Variants in CYP2J2 observed in about 807,000 individuals in gnomAD.
CYP2J2 encodes the protein cytochrome P450 2J2.
In CYP2J2, 41 loss-of-function variants were observed where a neutral mutation model predicts 48.8. The ratio of observed to expected loss-of-function variants is 0.84; its 90% CI spans 0.66 to 1.09. The LOEUF is 1.09. Among genes scored for constraint, CYP2J2 ranks in the 50% least tolerant of loss-of-function variants. The pLI is 0.00. For synonymous variants in CYP2J2, 221 were observed against 227.1 expected (o/e 0.97, Z 0.24); for missense variants, 644 against 617.3 (o/e 1.04, Z -0.46).
In CYP2J2 at chr1:59,916,071, G is replaced by A; in HGVS notation, c.240C>T (p.Ser80=). The A allele has an allele frequency of 6.2e-7, 1 of 1,610,668 alleles. No individual in the cohort carries two copies. Among genetic ancestry groups the A allele is most frequent in the South Asian group, 1.1e-5 (1 of 90,240 alleles). The change falls in exon 2 of 9, where the codon AGC becomes AGT. Residue 80 remains serine (S), a synonymous_variant. Coordinates refer to ENST00000371204, the MANE Select transcript of CYP2J2 (RefSeq NM_000775.4). ...LFVKKYGNLF[S]LELGDISAVL... is the part of the protein sequence containing the mutation. ...CTGCAGATATGTCACCAAGCTCCAA[G>A]CTAAAAAGGTTCCCATATTTCTTCA...
At chr1:59,958,270 C>T in the CYP2J2 span, among the ~76,000 whole-genome samples, 1 of 152,132 alleles carries the variant, frequency 6.6e-6, no homozygotes, top group South Asian at 2.1e-4. Context: ...ATTTGCCAAA[C>T]ATTTCACGTT....
At chr1:59,928,890 G>C (rs1206972666), upstream of CYP2J2, among the ~76,000 whole-genome samples, 1 of 152,238 alleles carries the variant, frequency 6.6e-6, no homozygotes, top group African/African-American at 2.4e-5. Context: ...CAGCACAAGA[G>C]TTAGCTAGGA....
chr1:59,952,307 CTTTTT>C, the CYP2J2 span, among the ~76,000 whole-genome samples: 624 of 140,066 alleles, frequency 4.5e-3, 3 homozygotes, highest in African/African-American at 0.015. Flanking sequence ...TATGCGTATG[CTTTTT>C]TTTTTTTTTT....
chr1:59,954,865 G>A, the CYP2J2 span, among the ~76,000 whole-genome samples: 1,625 of 152,110 alleles, frequency 0.011, 26 homozygotes, highest in African/African-American at 0.037. Flanking sequence ...AGCCAGGCAT[G>A]GTGGCACATG....
intron 7 of CYP2J2, 50 bp from the exon 8 acceptor site, chr1:59,901,153 C>T (rs1482708322): frequency 1.3e-6 from 2 of 1,594,684 alleles, no homozygotes; most frequent in African/African-American, 1.3e-5. Context: ...TGAAAAAGCA[C>T]ACCTATGCAG....
At chr1:59,915,585 G>A (rs1383478108) in intron 2 of CYP2J2, among the ~76,000 whole-genome samples, 4 of 152,136 alleles carry the variant, frequency 2.6e-5, no homozygotes, top group Non-Finnish European at 4.4e-5. Context: ...AGCAGGAGGA[G>A]GAAGATCCAC....
chr1:59,916,658 G>A (rs530036806), intron 1 of CYP2J2, among the ~76,000 whole-genome samples: 6 of 152,264 alleles, frequency 3.9e-5, no homozygotes, highest in African/African-American at 1.4e-4. Context: ...ACTTGAGCCT[G>A]AGAGTTTGAG....
At chr1:59,901,217 C>G in intron 7 of CYP2J2, 114 bp from the exon 8 acceptor site, 1 of 1,067,228 alleles carries the variant, frequency 9.4e-7, no homozygotes, top group Non-Finnish European at 1.4e-6. Context: ...ACTGCCCCAC[C>G]CTCCCCAATT....
intron 1 of CYP2J2, among the ~76,000 whole-genome samples, chr1:59,922,246 T>C (rs959764525): frequency 1.3e-5 from 2 of 152,212 alleles, no homozygotes; most frequent in African/African-American, 4.8e-5. Context: ...TTTAGCTGAA[T>C]AACCCGGGCA....
chr1:59,957,462 C>G, the CYP2J2 span, among the ~76,000 whole-genome samples: 17 of 152,230 alleles, frequency 1.1e-4, no homozygotes, highest in African/African-American at 4.1e-4. Context: ...TGTGGATAAA[C>G]TGAAGCACAA....
chr1:59,968,589 C>T, the CYP2J2 span, among the ~76,000 whole-genome samples: 7 of 152,204 alleles, frequency 4.6e-5, no homozygotes, highest in East Asian at 5.8e-4. Context: ...TGGGGCATCC[C>T]AGTTCCGTTA....
chr1:59,946,709 T>C, the CYP2J2 span, among the ~76,000 whole-genome samples: 1 of 152,152 alleles, frequency 6.6e-6, no homozygotes, highest in Non-Finnish European at 1.5e-5. Context: ...ATGTCAAATG[T>C]TTTAAAAGAT....
intron 8 of CYP2J2, among the ~76,000 whole-genome samples, chr1:59,896,328 G>GTATATATATA (rs59615950): frequency 4.8e-5 from 7 of 146,896 alleles, no homozygotes; most frequent in African/African-American, 1.7e-4. Context: ...TACACACCAA[G>GTATATATATA]TATATATATA....
chr1:59,957,703 C>CCA, the CYP2J2 span, among the ~76,000 whole-genome samples: 3 of 148,132 alleles, frequency 2.0e-5, no homozygotes, highest in African/African-American at 5.0e-5. Context: ...CACACACACA[C>CCA]CACACACACA....
chr1:59,967,987 G>C, the CYP2J2 span, among the ~76,000 whole-genome samples: 1 of 152,134 alleles, frequency 6.6e-6, no homozygotes. Flanking sequence ...CCAGCTTTGT[G>C]ATATCACAAA....
intron 7 of CYP2J2, 69 bp from the exon 8 acceptor site, chr1:59,901,172 T>C: frequency 1.3e-6 from 2 of 1,547,972 alleles, no homozygotes; most frequent in South Asian, 1.2e-5. Flanking sequence ...AGAGGGGTGG[T>C]CATCCTCCGG....
At chr1:59,938,417 T>G in the CYP2J2 span, among the ~76,000 whole-genome samples, 1 of 152,206 alleles carries the variant, frequency 6.6e-6, no homozygotes, top group Non-Finnish European at 1.5e-5. Context: ...CAAGAAAACA[T>G]GTGAGCAAAG....
In CYP2J2 at chr1:59,893,888, G is replaced by A. The variant is rs971894422; in HGVS notation, c.1331-59C>T. The A allele has an allele frequency of 9.3e-6, 14 of 1,507,174 alleles. No individual in the cohort carries two copies. In the East Asian group the frequency reaches 2.5e-4, roughly 27 times the overall value. 93.4% of individuals were successfully genotyped at this position (1,507,174 alleles called of 1,614,324 possible). A position where few individuals can be genotyped will look rare whatever the true frequency, so the allele number is the denominator to read the frequency against. On this transcript the variant is annotated intron_variant, in intron 8 of 8. Transcript: ENST00000371204. Reference sequence around the variant, plus strand: ...TCAGGTGGCATTTGTGCCTAGCAGAGATTGCTATCCTCAATCATATCCCCA... The same window carrying A: ...TCAGGTGGCATTTGTGCCTAGCAGAAATTGCTATCCTCAATCATATCCCCA...
At chr1:59,956,765 ATC>A in the CYP2J2 span, among the ~76,000 whole-genome samples, 22 of 152,196 alleles carry the variant, frequency 1.4e-4, no homozygotes, top group African/African-American at 5.3e-4. Flanking sequence ...GCTGGAAATT[ATC>A]TGTTTTTCAT....
Sources: gnomAD v4.1 joint callset for allele counts (sites outside exome capture counted in the v4.1 genomes callset) on GRCh38, gnomAD v4.1.1 for gene constraint, MANE v1.5 for transcripts, NCBI Gene and HGNC (gene_info 2026-07-23, HGNC 2026-07-21) for gene names.